BTBD9: variants seen among roughly 807,000 people sequenced by gnomAD.
The protein encoded by BTBD9 is BTB domain containing 9.
In BTBD9, 49 loss-of-function variants were observed where a neutral mutation model predicts 64.3. The observed-to-expected ratio is 0.76, with a 90% confidence interval of 0.61 to 0.97. BTBD9 has a LOEUF of 0.97. BTBD9 is among the 50% of genes least tolerant of loss of function. The pLI is 0.00. For synonymous variants in BTBD9, 260 were observed against 274.7 expected (o/e 0.95, Z 0.53); for missense variants, 598 against 762.1 (o/e 0.78, Z 2.53).
intron 2 of BTBD9, among the ~76,000 whole-genome samples, chr6:38,595,117 T>A (rs1056287768): frequency 6.6e-6 from 1 of 152,196 alleles, no homozygotes; most frequent in African/African-American, 2.4e-5. Flanking sequence ...TAAATAAAAT[T>A]GCAGATCCAT....
intron 6 of BTBD9, among the ~76,000 whole-genome samples, chr6:38,392,038 G>C (rs1225272800): frequency 6.6e-6 from 1 of 152,158 alleles, no homozygotes; most frequent in Non-Finnish European, 1.5e-5. Flanking sequence ...AGGAAAAAAT[G>C]TGGACACATC....
chr6:38,300,410 C>T (rs1762344229), intron 7 of BTBD9, among the ~76,000 whole-genome samples: 1 of 152,044 alleles, frequency 6.6e-6, no homozygotes, highest in Non-Finnish European at 1.5e-5. Context: ...TCATTGGAAG[C>T]TTGATGGGGA....
At chr6:38,457,221 G>A (rs116722452) in intron 6 of BTBD9, among the ~76,000 whole-genome samples, 1,921 of 152,266 alleles carry the variant, frequency 0.013, 46 homozygotes, top group African/African-American at 0.044. Context: ...GGATTTGGAG[G>A]TGAGACACCA....
intron 9 of BTBD9, among the ~76,000 whole-genome samples, chr6:38,217,624 T>G (rs1763052437): frequency 1.3e-5 from 2 of 151,962 alleles, no homozygotes; most frequent in Non-Finnish European, 2.9e-5. Flanking sequence ...ACAGAATGTC[T>G]AACAGACTAG....
At chr6:38,286,923 A>G (rs1273369435) in intron 8 of BTBD9, among the ~76,000 whole-genome samples, 2 of 151,730 alleles carry the variant, frequency 1.3e-5, no homozygotes, top group Middle Eastern at 3.2e-3. Flanking sequence ...CTCTACTAAA[A>G]ATACAAAAAT....
intron 7 of BTBD9, among the ~76,000 whole-genome samples, chr6:38,302,549 A>G (rs1396234898): frequency 6.9e-6 from 1 of 144,648 alleles, no homozygotes; most frequent in African/African-American, 2.5e-5. Flanking sequence ...ACATTCATAC[A>G]TTGATGGACA....
At chr6:38,242,372 A>G (rs1764021599) in intron 9 of BTBD9, among the ~76,000 whole-genome samples, 1 of 152,216 alleles carries the variant, frequency 6.6e-6, no homozygotes, top group Non-Finnish European at 1.5e-5. Context: ...CTTATAGGCC[A>G]TGCAAAATTC....
At position 38,587,259 on chromosome 6, in the gene BTBD9, G is replaced by A. The variant is rs182631673; in HGVS notation, c.814+5317C>T. On this transcript the variant is annotated intron_variant, in intron 4 of 10. Transcript: ENST00000481247. ...CAGTGGAGACCTGTGGAGAGGTGGC[G>A]GTGGTGGCCTCCACAAGCCCTCTTT... 5.1e-4 allele frequency: 157 copies of A among 307,926 alleles called. 1 individual carries two copies. The highest frequency in any genetic ancestry group is 3.2e-3 in the African/African-American group (142 of 43,814). The allele number at this position is 307,926 out of a possible 1,614,324, so 19.1% of individuals were successfully genotyped here.
Position 38,183,124 on chromosome 6 carries a change from C to T in BTBD9, c.1642-7942G>A, listed in dbSNP as rs531609384. Among the ~76,000 whole-genome samples, 123 of 152,096 alleles carry T rather than the reference C, an allele frequency of 8.1e-4. 1 individual carries two copies. The highest frequency in any genetic ancestry group is 1.2e-3 in the African/African-American group (50 of 41,484). On this transcript the variant is annotated intron_variant, in intron 10 of 10. Transcript: ENST00000481247. ...CCTCCTGAGTAGCTGGGACTACAGG[C>T]GCCCGCCACCACACCTGGCTAATTT...
At chr6:38,511,707 C>T (rs940744073) in intron 6 of BTBD9, among the ~76,000 whole-genome samples, 14 of 151,960 alleles carry the variant, frequency 9.2e-5, no homozygotes, top group Admixed American at 2.0e-4. Flanking sequence ...ATTCATTAGG[C>T]GCAATTCAAA....
chr6:38,490,022 A>AT (rs1771631678), intron 6 of BTBD9, among the ~76,000 whole-genome samples: 1 of 152,200 alleles, frequency 6.6e-6, no homozygotes, highest in Non-Finnish European at 1.5e-5. Flanking sequence ...GTAATGCCAT[A>AT]TAAGGGATGA....
chr6:38,528,866 G>A (rs891108932), intron 6 of BTBD9, among the ~76,000 whole-genome samples: 9 of 152,088 alleles, frequency 5.9e-5, no homozygotes, highest in Admixed American at 5.9e-4. Context: ...CAGCTGTGGT[G>A]GATACAGGAA....
intron 6 of BTBD9, among the ~76,000 whole-genome samples, chr6:38,538,978 T>C (rs1206557785): frequency 6.6e-6 from 1 of 152,104 alleles, no homozygotes; most frequent in Non-Finnish European, 1.5e-5. Flanking sequence ...GGAGGGGTTG[T>C]TGTTGTTTTT....
chr6:38,293,242 G>T (rs898603095), intron 7 of BTBD9, among the ~76,000 whole-genome samples: 5 of 152,022 alleles, frequency 3.3e-5, no homozygotes, highest in African/African-American at 1.2e-4. Flanking sequence ...TGGCCATACT[G>T]CCCAAAGTAA....
At chr6:38,476,698 A>T (rs1770897612) in intron 6 of BTBD9, among the ~76,000 whole-genome samples, 1 of 152,216 alleles carries the variant, frequency 6.6e-6, no homozygotes. Context: ...GAACTCTGAC[A>T]ATTTCCTCTT....
rs921450598 is a variant in BTBD9, at chr6:38,172,062, A to G, written c.*2923T>C. ...CACCCACCTGTCAGCCTCACCTGCCACCTCTCTCCATGTTGGCTTGTTGCC... is the reference window on the plus strand; with the variant it reads ...CACCCACCTGTCAGCCTCACCTGCCGCCTCTCTCCATGTTGGCTTGTTGCC... On this transcript the variant is annotated 3_prime_UTR_variant, in exon 11 of 11. Transcript: ENST00000481247. The G allele has an allele frequency of 7.9e-5, 12 of 151,580 alleles. No individual in the cohort carries two copies. The highest frequency in any genetic ancestry group is 2.9e-4 in the African/African-American group (12 of 41,206). The allele number at this position is 151,580 out of a possible 1,614,324, so 9.4% of individuals were successfully genotyped here.
intron 6 of BTBD9, among the ~76,000 whole-genome samples, chr6:38,488,005 T>C (rs1391127182): frequency 1.3e-5 from 2 of 152,172 alleles, no homozygotes; most frequent in Admixed American, 6.5e-5. Flanking sequence ...ATAAAGTCCC[T>C]AGTTAGAAAA....
At chr6:38,587,017 T>C (rs2127484169) in intron 4 of BTBD9, among the ~76,000 whole-genome samples, 1 of 151,572 alleles carries the variant, frequency 6.6e-6, no homozygotes, top group Admixed American at 6.6e-5. Context: ...GAGCCGAGAT[T>C]GTGTCGTTGC....
intron 8 of BTBD9, among the ~76,000 whole-genome samples, chr6:38,266,605 G>GGAAAGAAAGGAAA (rs1764986797): frequency 1.4e-4 from 15 of 107,290 alleles, no homozygotes; most frequent in South Asian, 3.6e-4. Flanking sequence ...AGGAAAGAAA[G>GGAAAGAAAGGAAA]GAAAGAAAGA....
Sources: gnomAD v4.1 joint callset for allele counts (sites outside exome capture counted in the v4.1 genomes callset) on GRCh38, gnomAD v4.1.1 for gene constraint, MANE v1.5 for transcripts, NCBI Gene and HGNC (gene_info 2026-07-23, HGNC 2026-07-21) for gene names.